The following HERC1 variants were observed in gnomAD, a reference collection of about 807,000 sequenced individuals.
The protein encoded by HERC1 is HECT and RLD domain containing E3 ubiquitin protein ligase family member 1.
A neutral mutation model predicts 554.3 loss-of-function variants in HERC1; 160 were observed. That is an observed-to-expected ratio of 0.29 (90% CI 0.25 to 0.33). HERC1 has a LOEUF of 0.33. Ranked by LOEUF, HERC1 falls within the 10% of genes least tolerant of loss-of-function variation. The probability of loss-of-function intolerance (pLI) is 1.00; values close to 1 mark genes in which losing one functional copy is unlikely to be tolerated. For missense variants in HERC1, 4,919 were observed against 5,918.5 expected (o/e 0.83, Z 5.54); for synonymous variants, 2,175 against 2,131.7 (o/e 1.02, Z -0.56).
Position 63,756,485 on chromosome 15 carries a change from A to G in HERC1, c.1485T>C (p.Ser495=). The change falls in exon 5 of 78, where the codon AGT becomes AGC. Residue 495 remains serine (S), a synonymous_variant. Transcript: ENST00000443617. The surrounding 1 kb of genome is among the most constrained non-coding windows in gnomAD (Gnocchi z 5.0). ...GDYGKLGHGN[S]STQKYPKLIQ... ...TAAGCTTGGGATATTTCTGTGTTGA[A>G]CTATTTCCATGCCCCAGTTTCCCAT... The G allele has an allele frequency of 6.2e-7, 1 of 1,614,010 alleles. No homozygotes were observed. Among genetic ancestry groups the G allele is most frequent in the Non-Finnish European group, 8.5e-7 (1 of 1,179,870 alleles).
intron 64 of HERC1, 129 bp from the exon 65 acceptor site, chr15:63,636,271 T>C: frequency 1.3e-6 from 1 of 767,176 alleles, no homozygotes; most frequent in Non-Finnish European, 2.0e-6. Flanking sequence ...ATAATTTCAT[T>C]AGTTTTTTTT....
intron 24 of HERC1, 114 bp downstream of exon 24, chr15:63,712,661 T>A (rs2153122222): frequency 2.3e-6 from 2 of 870,250 alleles, no homozygotes; most frequent in Non-Finnish European, 3.4e-6. Flanking sequence ...AAAGTTATTT[T>A]TGAAAAAATT....
At chr15:63,635,489 TA>T (rs2068742266) in intron 65 of HERC1, among the ~76,000 whole-genome samples, 2 of 152,228 alleles carry the variant, frequency 1.3e-5, no homozygotes, top group African/African-American at 4.8e-5. Flanking sequence ...TGACCTAGAC[TA>T]AATGAGATAA....
intron 39 of HERC1, among the ~76,000 whole-genome samples, chr15:63,671,546 A>T (rs985142903): frequency 2.6e-5 from 4 of 152,236 alleles, no homozygotes; most frequent in Non-Finnish European, 4.4e-5. Flanking sequence ...ACAAGACCAC[A>T]GCAGTAATTC....
rs1595857260 is a variant in HERC1, at chr15:63,630,689, T to C, written c.12797-54A>G. The stretch of plus-strand genomic sequence containing the variant: ...AAATGTTATGCACCACACAACACAG[T>C]GCTTTTATATTTTCTGATCAGTCAT... On this transcript the variant is annotated intron_variant, in intron 68 of 77. Transcript: ENST00000443617. 2.0e-6 allele frequency: 3 copies of C among 1,525,616 alleles called. No individual in the cohort carries two copies. In the East Asian group the frequency reaches 6.8e-5, roughly 34 times the overall value. 94.5% of individuals were successfully genotyped at this position (1,525,616 alleles called of 1,614,324 possible).
At chr15:63,789,248 G>C (rs1025595619) in intron 1 of HERC1, among the ~76,000 whole-genome samples, 2 of 148,668 alleles carry the variant, frequency 1.3e-5, no homozygotes, top group African/African-American at 4.9e-5. Context: ...CCGCCACTAC[G>C]CCCGGCTAAT....
chr15:63,816,935 T>C lies in HERC1; in HGVS notation c.-27+16892A>G, dbSNP rs185276566. ...ACATAAGACCTTACATATCTCCCGA[T>C]GGAAACAAAAATCACTCCTATGAAG... On this transcript the variant is annotated intron_variant, in intron 1 of 77. Transcript: ENST00000443617. Among the ~76,000 whole-genome samples the C allele has an allele frequency of 1.3e-3, 198 of 151,848 alleles. No individual in the cohort carries two copies. The Middle Eastern group carries it at 0.014, about 10-fold the overall frequency.
chr15:63,737,563 G>T (rs1373368563), intron 12 of HERC1, among the ~76,000 whole-genome samples: 109 of 88,222 alleles, frequency 1.2e-3, no homozygotes, highest in Admixed American at 1.5e-3. Context: ...TTTTTTTTTA[G>T]TAGAGAAGGG....
intron 25 of HERC1, among the ~76,000 whole-genome samples, chr15:63,703,713 C>T (rs2414824): frequency 0.27 from 40,846 of 151,718 alleles, 6,093 homozygotes; most frequent in Middle Eastern, 0.39. Context: ...GGCGAAACCC[C>T]GTTTCTACAA....
chr15:63,639,099 A>T (rs1417521443), intron 61 of HERC1, among the ~76,000 whole-genome samples: 1 of 152,198 alleles, frequency 6.6e-6, no homozygotes, highest in East Asian at 1.9e-4. Context: ...AGCTGTGGGC[A>T]AATTACTTCA....
rs1187816767 is a variant in HERC1 at position 63,740,245 on chromosome 15, T to C, written c.2521-5396A>G. Among the ~76,000 whole-genome samples, 13 of 152,216 alleles carry C rather than the reference T, an allele frequency of 8.5e-5. 1 individual carries two copies. On this transcript the variant is annotated intron_variant, in intron 12 of 77. Coordinates refer to ENST00000443617, the MANE Select transcript of HERC1 (RefSeq NM_003922.4). Reference sequence around the variant, plus strand: ...ATATTTAGAAGGTTCGGTTAGGTTGTAGTATGTATCACTACTTCACTCCTT... The same window carrying C: ...ATATTTAGAAGGTTCGGTTAGGTTGCAGTATGTATCACTACTTCACTCCTT...
Position 63,775,164 on chromosome 15 carries a change from T to C in HERC1, c.460A>G (p.Thr154Ala). The change falls in exon 2 of 78, where the codon ACT becomes GCT. Residue 154 changes from threonine (T) to alanine (A), a missense_variant. This residue lies in a region of HERC1 where 744 missense variants were observed against 1,090.0 expected (regional missense o/e 0.68). Coordinates refer to ENST00000443617, the MANE Select transcript of HERC1 (RefSeq NM_003922.4). The surrounding 1 kb of genome is among the most constrained non-coding windows in gnomAD (Gnocchi z 4.0). Reference sequence around the variant, plus strand: ...ACACCCATTTCTATAAGTGCATCAGTGCTTGACCGGGGGCGTTCACTAACA... The same window carrying C: ...ACACCCATTTCTATAAGTGCATCAGCGCTTGACCGGGGGCGTTCACTAACA... ...HSVSERPRSS[T>A]DALIEMGVRT... The C allele has an allele frequency of 6.2e-7, 1 of 1,614,038 alleles. No homozygotes were observed. The highest frequency in any genetic ancestry group is 8.5e-7 in the Non-Finnish European group (1 of 1,179,896).
At chr15:63,777,566 TG>T (rs1355600217) in intron 1 of HERC1, among the ~76,000 whole-genome samples, 3 of 152,240 alleles carry the variant, frequency 2.0e-5, no homozygotes, top group African/African-American at 7.2e-5. Flanking sequence ...TATGCTCTTC[TG>T]GGAAATATTT....
At chr15:63,817,140 TAA>T (rs150532313) in intron 1 of HERC1, among the ~76,000 whole-genome samples, 13,292 of 152,180 alleles carry the variant, frequency 0.087, 798 homozygotes, top group Non-Finnish European at 0.14. Flanking sequence ...GAAGAGAGTC[TAA>T]AGATTTAAAA....
rs1567021793 is a variant in HERC1, at chr15:63,694,312, C to G, written c.5480G>C (p.Gly1827Ala). The G allele has an allele frequency of 6.2e-7, 1 of 1,611,252 alleles. No homozygotes were observed. Among genetic ancestry groups the G allele is most frequent in the African/African-American group, 1.3e-5 (1 of 75,010 alleles). The change falls in exon 29 of 78, where the codon GGG (glycine) becomes GCG (alanine). Residue 1827 changes from glycine (G) to alanine (A), a missense_variant and splice_region_variant. Coordinates refer to ENST00000443617, the MANE Select transcript of HERC1 (RefSeq NM_003922.4). This position sits in a 1 kb window ranked among gnomAD's most constrained non-coding sequence, Gnocchi z 4.3. ...CTACAAAGACATCTACCATACTTAC[C>G]CAGTAGTGATGGCTAGAATCTGGAG... ...RLLQILAITT[G>A]TYADKLSPKV...
At chr15:63,805,701 C>T (rs2077116494) in intron 1 of HERC1, among the ~76,000 whole-genome samples, 1 of 152,158 alleles carries the variant, frequency 6.6e-6, no homozygotes, top group African/African-American at 2.4e-5. Context: ...AATCCCAGCA[C>T]TTTTGGAGGC....
At chr15:63,795,652 T>C (rs1167541581) in intron 1 of HERC1, among the ~76,000 whole-genome samples, 1 of 152,184 alleles carries the variant, frequency 6.6e-6, no homozygotes, top group Non-Finnish European at 1.5e-5. Context: ...ATAAATTTAA[T>C]TTACTCAGCA....
Position 63,692,494 on chromosome 15 carries a change from G to A in HERC1, c.5747C>T (p.Ser1916Phe). The change falls in exon 31 of 78, where the codon TCT becomes TTT. Residue 1916 changes from serine (S) to phenylalanine (F), a missense_variant. Transcript: ENST00000443617. The surrounding 1 kb of genome is among the most constrained non-coding windows in gnomAD (Gnocchi z 4.7). ...DFLVFLRRVV[S>F]SKAIQSKMAS... ...CATTTTTGATTGAATTGCTTTTGAAGATACAACTCTGCGAAGAAAAACTAA... is the reference window on the plus strand; with the variant it reads ...CATTTTTGATTGAATTGCTTTTGAAAATACAACTCTGCGAAGAAAAACTAA... 1 of 1,613,404 alleles carries A rather than the reference G, an allele frequency of 6.2e-7. No homozygotes were observed. Among genetic ancestry groups the A allele is most frequent in the Non-Finnish European group, 8.5e-7 (1 of 1,179,664 alleles).
intron 25 of HERC1, among the ~76,000 whole-genome samples, chr15:63,704,770 GCT>G (rs1416563728): frequency 4.0e-5 from 5 of 124,792 alleles, no homozygotes; most frequent in Admixed American, 3.2e-4. Flanking sequence ...ATGGAGTCTC[GCT>G]CTGTCGCCCA....
Sources: gnomAD v4.1 joint callset for allele counts (sites outside exome capture counted in the v4.1 genomes callset) on GRCh38, gnomAD v4.1.1 for gene constraint, gnomAD v4.1.1 regional missense constraint, Gnocchi (gnomAD v3.1) non-coding constraint, MANE v1.5 for transcripts, NCBI Gene and HGNC (gene_info 2026-07-23, HGNC 2026-07-21) for gene names.